The following STK39 variants were observed in gnomAD, a reference collection of about 807,000 sequenced individuals.
STK39 encodes serine/threonine kinase 39.
Under a neutral mutation model 77.8 loss-of-function variants are expected in STK39, and 20 were observed. That is an observed-to-expected ratio of 0.26 (90% CI 0.18 to 0.37). The LOEUF (loss-of-function observed/expected upper bound fraction) is 0.37. Among genes scored for constraint, STK39 ranks in the 10% least tolerant of loss-of-function variants. The pLI, the probability that STK39 is intolerant of heterozygous loss-of-function variation, is 1.00. For missense variants in STK39, 479 were observed against 656.5 expected (o/e 0.73, Z 2.95); for synonymous variants, 246 against 234.1 (o/e 1.05, Z -0.47).
At chr2:168,041,999 G>A (rs577708302) in intron 14 of STK39, among the ~76,000 whole-genome samples, 1 of 152,224 alleles carries the variant, frequency 6.6e-6, no homozygotes, top group Admixed American at 6.5e-5. Flanking sequence ...AGCTTGCCTC[G>A]CTATATAATC....
intron 14 of STK39, among the ~76,000 whole-genome samples, chr2:168,044,743 T>C (rs1039106410): frequency 5.3e-5 from 8 of 152,116 alleles, no homozygotes; most frequent in African/African-American, 1.9e-4. Context: ...CGAAGACCTG[T>C]TTGTCTGCAG....
rs1172084974 is a variant in STK39, at chr2:168,237,523, A to G, written c.208+9705T>C. 3.9e-5 allele frequency among the ~76,000 whole-genome samples: 6 copies of G among 152,154 alleles called. No individual in the cohort carries two copies. The East Asian group carries it at 5.8e-4, about 15-fold the overall frequency. On this transcript the variant is annotated intron_variant, in intron 1 of 17. Coordinates refer to ENST00000355999, the MANE Select transcript of STK39 (RefSeq NM_013233.3). ...AGAGAGTGCATCCCTGTCTTGTGCCAGTTTTCAAAGGGAATGCTTCCAGTT... is the reference window on the plus strand; with the variant it reads ...AGAGAGTGCATCCCTGTCTTGTGCCGGTTTTCAAAGGGAATGCTTCCAGTT...
intron 10 of STK39, among the ~76,000 whole-genome samples, chr2:168,121,553 T>C (rs779481353): frequency 1.1e-4 from 17 of 152,182 alleles, no homozygotes; most frequent in Non-Finnish European, 2.2e-4. Flanking sequence ...AACTAACTAC[T>C]GTAATTATTT....
intron 12 of STK39, among the ~76,000 whole-genome samples, chr2:168,074,030 A>C (rs1385011132): frequency 6.6e-6 from 1 of 152,184 alleles, no homozygotes; most frequent in Non-Finnish European, 1.5e-5. Flanking sequence ...AAAAATGCCT[A>C]GGAAAGGCCT....
At chr2:168,163,252 C>A (rs192934406) in intron 4 of STK39, among the ~76,000 whole-genome samples, 8 of 152,242 alleles carry the variant, frequency 5.3e-5, no homozygotes, top group Non-Finnish European at 7.4e-5. Flanking sequence ...AGTACCTCTT[C>A]CTTCCCTCTC....
chr2:168,027,566 A>G (rs1220246176), intron 14 of STK39, among the ~76,000 whole-genome samples: 4 of 152,242 alleles, frequency 2.6e-5, no homozygotes, highest in Admixed American at 2.0e-4. Context: ...TAAGTGATAT[A>G]CATACATGCA....
At chr2:168,023,928 C>T (rs1420421444) in intron 14 of STK39, among the ~76,000 whole-genome samples, 1 of 152,144 alleles carries the variant, frequency 6.6e-6, no homozygotes. Flanking sequence ...CAACAGCCCT[C>T]TTCTTCCTTA....
chr2:168,208,468 A>G lies in STK39; in HGVS notation c.209-26378T>C, dbSNP rs530448027. Among the ~76,000 whole-genome samples the G allele has an allele frequency of 2.6e-5, 4 of 152,324 alleles. No individual in the cohort carries two copies. In the South Asian group the frequency reaches 8.3e-4, roughly 32 times the overall value. The stretch of plus-strand genomic sequence containing the variant: ...AGCATATTGCTTGGGTTGTGAATAA[A>G]GATACATGCAGAGACACCATTATGG... On this transcript the variant is annotated intron_variant, in intron 1 of 17. Coordinates refer to ENST00000355999, the MANE Select transcript of STK39 (RefSeq NM_013233.3).
chr2:168,229,765 T>C (rs1690405043), intron 1 of STK39, among the ~76,000 whole-genome samples: 1 of 152,242 alleles, frequency 6.6e-6, no homozygotes, highest in Non-Finnish European at 1.5e-5. Context: ...TCTATGTTTT[T>C]AATGTGGTGT....
intron 14 of STK39, among the ~76,000 whole-genome samples, chr2:168,045,087 C>A (rs184266840): frequency 2.7e-3 from 405 of 152,070 alleles, no homozygotes; most frequent in Middle Eastern, 6.8e-3. Context: ...CAAAAAAAAC[C>A]CAACATTGTT....
chr2:167,957,939 T>C (rs80082471), intron 17 of STK39, among the ~76,000 whole-genome samples: 1,559 of 152,308 alleles, frequency 0.01, 36 homozygotes, highest in African/African-American at 0.036. Flanking sequence ...ATAGCTACAC[T>C]GAAATGTCTG....
intron 8 of STK39, among the ~76,000 whole-genome samples, chr2:168,134,371 A>T (rs1687778241): frequency 6.6e-6 from 1 of 152,196 alleles, no homozygotes; most frequent in Admixed American, 6.5e-5. Flanking sequence ...AATAGTTCTA[A>T]CAATTTGCAT....
At chr2:168,009,456 C>A (rs1684214314) in intron 16 of STK39, among the ~76,000 whole-genome samples, 1 of 152,182 alleles carries the variant, frequency 6.6e-6, no homozygotes, top group Non-Finnish European at 1.5e-5. Flanking sequence ...TTACCTGGAT[C>A]CACTTTTTAA....
At chr2:168,120,954 CAGCATCTCCTAGTGCCTGT>C (rs531317234) in intron 10 of STK39, among the ~76,000 whole-genome samples, 2 of 150,564 alleles carry the variant, frequency 1.3e-5, no homozygotes, top group Non-Finnish European at 3.0e-5. Flanking sequence ...ATGATGCCTG[CAGCATCTCCTAGTGCCTGT>C]AGCATCTCCT....
intron 14 of STK39, among the ~76,000 whole-genome samples, chr2:168,023,261 C>CTTT (rs373354840): frequency 1.4e-5 from 2 of 139,920 alleles, no homozygotes; most frequent in Admixed American, 7.2e-5. Flanking sequence ...TGCTGACAAA[C>CTTT]TTTTTTTTTT....
At position 168,017,075 on chromosome 2, in the gene STK39, T is replaced by C. The variant is rs760864948; in HGVS notation, c.1397A>G (p.Asn466Ser). 1 of 1,607,782 alleles carries C rather than the reference T, an allele frequency of 6.2e-7. No individual in the cohort carries two copies. The highest frequency in any genetic ancestry group is 8.5e-7 in the Non-Finnish European group (1 of 1,177,120). The change falls in exon 15 of 18, where the codon AAT (asparagine) becomes AGT (serine). Residue 466 changes from asparagine to serine, a missense_variant. Around this residue, in one of 3 missense-constraint regions of STK39, gnomAD observed 244 missense variants for 296.8 expected, o/e 0.82. Coordinates refer to ENST00000355999, the MANE Select transcript of STK39 (RefSeq NM_013233.3). Reference protein sequence around the residue: ...LRLRNSRKELNDIRFEFTPGR... With the variant: ...LRLRNSRKELSDIRFEFTPGR... ...TGGAGTAAACTCAAATCGTATGTCA[T>C]TAAGTTCCTTTCTGGAGTTTCTGAA...
At chr2:168,101,734 T>C (rs532576311) in intron 10 of STK39, among the ~76,000 whole-genome samples, 67 of 152,038 alleles carry the variant, frequency 4.4e-4, no homozygotes, top group Middle Eastern at 3.4e-3. Context: ...CAAGACTCTG[T>C]CTCAAAAAAA....
At chr2:168,094,876 G>A (rs1686621482) in intron 10 of STK39, among the ~76,000 whole-genome samples, 1 of 151,968 alleles carries the variant, frequency 6.6e-6, no homozygotes, top group African/African-American at 2.4e-5. Flanking sequence ...TGCAAACCAG[G>A]CCCCCTCCAG....
chr2:168,131,956 A>C (rs1399980288), intron 8 of STK39, among the ~76,000 whole-genome samples: 1 of 152,196 alleles, frequency 6.6e-6, no homozygotes, highest in Non-Finnish European at 1.5e-5. Flanking sequence ...TACTATAATG[A>C]AGATGGCAGA....
Sources: gnomAD v4.1 joint callset for allele counts (sites outside exome capture counted in the v4.1 genomes callset) on GRCh38, gnomAD v4.1.1 for gene constraint, gnomAD v4.1.1 regional missense constraint, MANE v1.5 for transcripts, NCBI Gene and HGNC (gene_info 2026-07-23, HGNC 2026-07-21) for gene names.